INPP4B: variants seen among roughly 807,000 people sequenced by gnomAD.
The protein encoded by INPP4B is inositol polyphosphate-4-phosphatase type II B.
In INPP4B, 55 loss-of-function variants were observed where a neutral mutation model predicts 122.5. The observed-to-expected ratio is 0.45, with a 90% CI of 0.36 to 0.56. The LOEUF is 0.56. Among genes scored for constraint, INPP4B ranks in the 20% least tolerant of loss-of-function variants. INPP4B has a pLI of 0.00. For synonymous variants in INPP4B, 403 were observed against 388.7 expected (o/e 1.04, Z -0.43); for missense variants, 1,000 against 1,097.7 (o/e 0.91, Z 1.26).
chr4:142,025,797 G>A lies in INPP4B; in HGVS notation c.*2985C>T, dbSNP rs1466783732. 6.6e-6 allele frequency: 1 copy of A among 152,192 alleles called. No homozygotes were observed. The highest frequency in any genetic ancestry group is 1.5e-5 in the Non-Finnish European group (1 of 68,024). The allele number at this position is 152,192 out of a possible 1,614,324, so 9.4% of individuals were successfully genotyped here. The stretch of plus-strand genomic sequence containing the variant: ...CATGGAGCTCTGCCCTGATTGGGCA[G>A]TTTGTCATTTAGTACAATTTATCAC... On this transcript the variant is annotated 3_prime_UTR_variant, in exon 26 of 26. Coordinates refer to ENST00000262992, the MANE Select transcript of INPP4B (RefSeq NM_001101669.3).
chr4:142,239,802 T>C (rs73850826), intron 11 of INPP4B, among the ~76,000 whole-genome samples: 3,027 of 152,160 alleles, frequency 0.02, 108 homozygotes, highest in African/African-American at 0.068. Flanking sequence ...GGCCAAATTG[T>C]TTCTTATTTA....
chr4:142,342,673 T>C (rs1779071121), intron 7 of INPP4B, among the ~76,000 whole-genome samples: 1 of 152,164 alleles, frequency 6.6e-6, no homozygotes, highest in Non-Finnish European at 1.5e-5. Flanking sequence ...ACTATCAGAA[T>C]GCAAGCATTT....
At chr4:142,207,900 A>G (rs887164781) in intron 14 of INPP4B, among the ~76,000 whole-genome samples, 1 of 152,186 alleles carries the variant, frequency 6.6e-6, no homozygotes, top group East Asian at 1.9e-4. Flanking sequence ...AGAAAAACCT[A>G]TATATTTCTC....
At chr4:142,744,657 A>G (rs1367153314) in intron 1 of INPP4B, among the ~76,000 whole-genome samples, 1 of 151,840 alleles carries the variant, frequency 6.6e-6, no homozygotes, top group Non-Finnish European at 1.5e-5. Context: ...TTTATTTGAG[A>G]ATTTTATATC....
At chr4:142,644,214 A>C (rs1427660443) in intron 2 of INPP4B, among the ~76,000 whole-genome samples, 9 of 150,356 alleles carry the variant, frequency 6.0e-5, no homozygotes, top group African/African-American at 2.0e-4. Context: ...AAAAAATAAA[A>C]TAAAATAAAA....
At chr4:142,687,952 T>C (rs1018509163) in intron 2 of INPP4B, among the ~76,000 whole-genome samples, 1 of 152,130 alleles carries the variant, frequency 6.6e-6, no homozygotes, top group African/African-American at 2.4e-5. Context: ...CTTGTTCCAC[T>C]ATCACTCACT....
intron 25 of INPP4B, among the ~76,000 whole-genome samples, chr4:142,060,421 T>C (rs1760005435): frequency 6.6e-6 from 1 of 152,196 alleles, no homozygotes; most frequent in Non-Finnish European, 1.5e-5. Flanking sequence ...TGACAATATA[T>C]ACCACAAAGG....
At chr4:142,367,829 T>A (rs1788151060) in intron 7 of INPP4B, among the ~76,000 whole-genome samples, 1 of 152,138 alleles carries the variant, frequency 6.6e-6, no homozygotes, top group South Asian at 2.1e-4. Context: ...GGCCAGATTC[T>A]AATATGCTCC....
At chr4:142,254,087 A>G (rs915806535) in intron 11 of INPP4B, among the ~76,000 whole-genome samples, 3 of 152,080 alleles carry the variant, frequency 2.0e-5, no homozygotes, top group Non-Finnish European at 4.4e-5. Context: ...ACCCCCCAGC[A>G]GGGGCAGACT....
intron 9 of INPP4B, among the ~76,000 whole-genome samples, chr4:142,304,782 A>T (rs1341595607): frequency 6.6e-6 from 1 of 152,188 alleles, no homozygotes; most frequent in Admixed American, 6.6e-5. Context: ...TATGAAAGTT[A>T]CTATATGATT....
At chr4:142,315,813 G>A (rs1321281241) in intron 7 of INPP4B, among the ~76,000 whole-genome samples, 1 of 151,614 alleles carries the variant, frequency 6.6e-6, no homozygotes, top group Non-Finnish European at 1.5e-5. Context: ...TGGAGGGGAA[G>A]AATCAGGGAG....
chr4:142,092,216 G>A (rs772836755), intron 23 of INPP4B, among the ~76,000 whole-genome samples: 13 of 152,194 alleles, frequency 8.5e-5, no homozygotes, highest in Non-Finnish European at 8.8e-5. Context: ...TTAGCCACAA[G>A]ACCAGACATA....
At chr4:142,521,405 C>A (rs1299685788) in intron 2 of INPP4B, among the ~76,000 whole-genome samples, 1 of 151,880 alleles carries the variant, frequency 6.6e-6, no homozygotes, top group Non-Finnish European at 1.5e-5. Context: ...CCAAGAATAT[C>A]CAAAATTTAT....
At chr4:142,090,305 A>T (rs1262096843) in intron 23 of INPP4B, among the ~76,000 whole-genome samples, 5 of 149,360 alleles carry the variant, frequency 3.3e-5, no homozygotes, top group African/African-American at 1.2e-4. Context: ...TTTTTTTTTA[A>T]CATTTTTAGG....
chr4:142,254,815 C>T (rs1734764266), intron 11 of INPP4B, among the ~76,000 whole-genome samples: 5 of 152,066 alleles, frequency 3.3e-5, no homozygotes, highest in African/African-American at 1.2e-4. Context: ...CCCAATCTAG[C>T]AAGGCAGGCC....
At chr4:142,450,248 T>G (rs1467531818) in intron 3 of INPP4B, among the ~76,000 whole-genome samples, 1 of 152,178 alleles carries the variant, frequency 6.6e-6, no homozygotes, top group Non-Finnish European at 1.5e-5. Context: ...GTTCATGGCA[T>G]GCCAAACTTA....
chr4:142,531,759 T>C (rs902986425), intron 2 of INPP4B, among the ~76,000 whole-genome samples: 1 of 152,098 alleles, frequency 6.6e-6, no homozygotes, highest in South Asian at 2.1e-4. Flanking sequence ...CCCTACCAAA[T>C]ATAGTAAAAT....
In INPP4B at chr4:142,825,589, G is replaced by A. The variant is rs567980276; in HGVS notation, c.-254+20620C>T. ...AGAGTGGGCATATAAAGAAATAACC[G>A]TACTACAAAGAAGCAAGTAAAAAGT... On this transcript the variant is annotated intron_variant, in intron 1 of 25. Coordinates refer to ENST00000262992, the MANE Select transcript of INPP4B (RefSeq NM_001101669.3). 1.6e-3 allele frequency among the ~76,000 whole-genome samples: 238 copies of A among 152,064 alleles called. 2 individuals carry two copies. The highest frequency in any genetic ancestry group is 5.4e-3 in the African/African-American group (223 of 41,502).
chr4:142,120,548 T>TCA (rs1209141192), intron 21 of INPP4B, among the ~76,000 whole-genome samples: 1 of 152,140 alleles, frequency 6.6e-6, no homozygotes, highest in Non-Finnish European at 1.5e-5. Context: ...CTAACTTTGT[T>TCA]AAGTTTATAC....
Sources: gnomAD v4.1 joint callset for allele counts (sites outside exome capture counted in the v4.1 genomes callset) on GRCh38, gnomAD v4.1.1 for gene constraint, MANE v1.5 for transcripts, NCBI Gene and HGNC (gene_info 2026-07-23, HGNC 2026-07-21) for gene names.